Variants in DTD1 observed in about 807,000 individuals in gnomAD.
DTD1 encodes D-tyrosyl-tRNA deacylase 1 homolog.
Under a neutral mutation model 25.6 loss-of-function variants are expected in DTD1, and 13 were observed. The ratio of observed to expected loss-of-function variants is 0.51; its 90% CI spans 0.33 to 0.81. The LOEUF (loss-of-function observed/expected upper bound fraction) is 0.81, where lower values mean the gene tolerates loss of function less well. Ranked by LOEUF, DTD1 falls within the 30% of genes least tolerant of loss-of-function variation. The pLI is 0.02. For missense variants in DTD1, 193 were observed against 266.4 expected, an observed-to-expected ratio of 0.72 and a Z score of 1.92; for synonymous variants, 110 against 103.6, an observed-to-expected ratio of 1.06 and a Z score of -0.37.
intron 3 of DTD1, among the ~76,000 whole-genome samples, chr20:18,625,664 A>G (rs1167550060): frequency 6.6e-6 from 1 of 152,114 alleles, no homozygotes; most frequent in Admixed American, 6.6e-5. Flanking sequence ...GCTTATTTTG[A>G]ACCCCTCAAT....
chr20:18,758,057 A>G (rs1298226902), intron 5 of DTD1, among the ~76,000 whole-genome samples: 4 of 152,050 alleles, frequency 2.6e-5, no homozygotes, highest in Non-Finnish European at 4.4e-5. Flanking sequence ...GTTTATTTGC[A>G]TGGAGGTGTT....
intron 4 of DTD1, among the ~76,000 whole-genome samples, chr20:18,667,911 C>T (rs2060937830): frequency 6.6e-6 from 1 of 152,162 alleles, no homozygotes; most frequent in Non-Finnish European, 1.5e-5. Flanking sequence ...TATCTACCTA[C>T]CTCAGGTGGG....
chr20:18,757,107 T>C (rs2061342334), intron 5 of DTD1, among the ~76,000 whole-genome samples: 1 of 152,124 alleles, frequency 6.6e-6, no homozygotes, highest in Non-Finnish European at 1.5e-5. Context: ...TTGTGATTTT[T>C]GCACATTGAT....
At chr20:18,660,090 T>C (rs2060903939) in intron 4 of DTD1, among the ~76,000 whole-genome samples, 1 of 151,896 alleles carries the variant, frequency 6.6e-6, no homozygotes, top group Admixed American at 6.6e-5. Context: ...ATACAAAAAT[T>C]AGCTATGCGT....
intron 4 of DTD1, among the ~76,000 whole-genome samples, chr20:18,660,382 G>T (rs994205218): frequency 2.0e-5 from 3 of 151,956 alleles, no homozygotes; most frequent in African/African-American, 7.3e-5. Context: ...AGTACGCTTG[G>T]CAAATTTTTG....
In DTD1 at chr20:18,766,201, G is replaced by A. The variant is rs2061378356; in HGVS notation, c.*2861G>A. 6.6e-6 allele frequency: 1 copy of A among 152,144 alleles called. No individual in the cohort carries two copies. The highest frequency in any genetic ancestry group is 1.5e-5 in the Non-Finnish European group (1 of 68,036). The allele number at this position is 152,144 out of a possible 1,614,324, so 9.4% of individuals were successfully genotyped here. ...GGCATTTCATTGATTTGATCATAAG[G>A]AACAAATAGTTCCGCAAACACCCTA... On this transcript the variant is annotated 3_prime_UTR_variant, in exon 6 of 6. Transcript: ENST00000377452.
intron 4 of DTD1, among the ~76,000 whole-genome samples, chr20:18,707,755 G>A (rs542792501): frequency 2.6e-5 from 4 of 151,858 alleles, no homozygotes; most frequent in South Asian, 2.1e-4. Flanking sequence ...TAACACACAC[G>A]CGCGCACACA....
intron 5 of DTD1, among the ~76,000 whole-genome samples, chr20:18,756,801 G>C (rs2061341178): frequency 6.6e-6 from 1 of 151,966 alleles, no homozygotes; most frequent in Non-Finnish European, 1.5e-5. Flanking sequence ...TTCCAATTCT[G>C]TGAAGAAAGT....
rs1323500479 is a variant in DTD1, at chr20:18,765,742, TG to T, written c.*2404del. On this transcript the variant is annotated 3_prime_UTR_variant, in exon 6 of 6. Transcript: ENST00000377452. ...CTAATGGCTAAAATTAGATTTTGGG[TG>T]GCATTCTTGTGGAGAATAAATCTCT... 6.6e-6 allele frequency: 1 copy of T among 152,214 alleles called. No individual in the cohort carries two copies. The highest frequency in any genetic ancestry group is 2.4e-5 in the African/African-American group (1 of 41,442). 9.4% of individuals were successfully genotyped at this position (152,214 alleles called of 1,614,324 possible). A position where few individuals can be genotyped will look rare whatever the true frequency, so the allele number is the denominator to read the frequency against.
chr20:18,601,095 G>A (rs2060632290), intron 3 of DTD1, among the ~76,000 whole-genome samples: 1 of 152,046 alleles, frequency 6.6e-6, no homozygotes, highest in Admixed American at 6.5e-5. Flanking sequence ...AGAGTGGTGA[G>A]TGGGGATATC....
chr20:18,722,574 G>A (rs2061208382), intron 4 of DTD1, among the ~76,000 whole-genome samples: 1 of 152,228 alleles, frequency 6.6e-6, no homozygotes, highest in Non-Finnish European at 1.5e-5. Context: ...TAGATGGAAT[G>A]TGTTTTTTAT....
intron 4 of DTD1, among the ~76,000 whole-genome samples, chr20:18,696,037 T>C (rs1300332710): frequency 1.3e-5 from 2 of 152,068 alleles, no homozygotes; most frequent in African/African-American, 4.8e-5. Context: ...ATTATAATAG[T>C]CTTGAGAAAT....
At chr20:18,726,808 T>C (rs1191264365) in intron 4 of DTD1, among the ~76,000 whole-genome samples, 1 of 152,234 alleles carries the variant, frequency 6.6e-6, no homozygotes, top group Non-Finnish European at 1.5e-5. Context: ...TGCATTGTAC[T>C]TTTGCTCACA....
intron 3 of DTD1, among the ~76,000 whole-genome samples, chr20:18,609,077 A>C (rs932868426): frequency 9.2e-5 from 14 of 152,074 alleles, no homozygotes; most frequent in African/African-American, 3.4e-4. Flanking sequence ...CCTAAGTAGA[A>C]TGTGTTTTTC....
At chr20:18,746,003 A>C (rs4814785) in intron 5 of DTD1, among the ~76,000 whole-genome samples, 36,414 of 151,590 alleles carry the variant, frequency 0.24, 4,780 homozygotes, top group East Asian at 0.36. Flanking sequence ...AGTGGGATTG[A>C]AAGATGTAAA....
At position 18,631,879 on chromosome 20, in the gene DTD1, A is replaced by T. The variant is rs80163456; in HGVS notation, c.477+3646A>T. 547 of 985,184 alleles carry T rather than the reference A, an allele frequency of 5.6e-4. 16 individuals are homozygous for T. In the East Asian group the frequency reaches 0.046, roughly 83 times the overall value. The allele number at this position is 985,184 out of a possible 1,614,324, so 61.0% of individuals were successfully genotyped here. On this transcript the variant is annotated intron_variant, in intron 4 of 5. Transcript: ENST00000377452. Reference sequence around the variant, plus strand: ...TAGAATAGTACATTTTGCCTTTAGAATCTTCACCTTTCTTTCAACCAGTAC... The same window carrying T: ...TAGAATAGTACATTTTGCCTTTAGATTCTTCACCTTTCTTTCAACCAGTAC...
chr20:18,725,408 C>T (rs970450537), intron 4 of DTD1, among the ~76,000 whole-genome samples: 3 of 152,304 alleles, frequency 2.0e-5, no homozygotes, highest in East Asian at 3.9e-4. Context: ...CCACCTCCTA[C>T]CTCAGAATGG....
At chr20:18,623,121 A>G (rs1202875183) in intron 3 of DTD1, among the ~76,000 whole-genome samples, 1 of 151,726 alleles carries the variant, frequency 6.6e-6, no homozygotes, top group Non-Finnish European at 1.5e-5. Context: ...TTGTATTTTT[A>G]GTAGAGATGG....
chr20:18,662,698 G>C (rs1341734302), intron 4 of DTD1, among the ~76,000 whole-genome samples: 2 of 152,092 alleles, frequency 1.3e-5, no homozygotes, highest in Non-Finnish European at 2.9e-5. Flanking sequence ...TATCCTATGT[G>C]TACTGACATT....
Sources: gnomAD v4.1 joint callset for allele counts (sites outside exome capture counted in the v4.1 genomes callset) on GRCh38, gnomAD v4.1.1 for gene constraint, MANE v1.5 for transcripts, NCBI Gene and HGNC (gene_info 2026-07-23, HGNC 2026-07-21) for gene names.